Variants in CDHR2 observed in about 807,000 individuals in gnomAD.
CDHR2 encodes cadherin-related family member 2.
Under a neutral mutation model 138.6 loss-of-function variants are expected in CDHR2, and 104 were observed. That is an observed-to-expected ratio of 0.75 (90% CI 0.64 to 0.88). The LOEUF is 0.88. CDHR2 is among the 40% of genes least tolerant of loss of function. The pLI is 0.00. For synonymous variants in CDHR2, 755 were observed against 742.8 expected (o/e 1.02, Z -0.27); for missense variants, 1,624 against 1,727.6 (o/e 0.94, Z 1.06).
Position 176,568,773 on chromosome 5 carries a change from C to T in CDHR2, c.220C>T (p.Pro74Ser), listed in dbSNP as rs746271410. ...GPNAYFFAVT[P>S]KTGEVKLASA... ...CAATGCCTACTTCTTCGCTGTCACT[C>T]CGAAAACTGGGGAAGTGAAGCTGGC... Residue 74 changes from proline (P) to serine (S), a missense_variant, in exon 4 of 32, where the codon CCG becomes TCG. This residue lies in a region of CDHR2 where 1,061 missense variants were observed against 1,136.6 expected (regional missense o/e 0.93). Transcript: ENST00000261944. 10 of 1,614,108 alleles carry T rather than the reference C, an allele frequency of 6.2e-6. No individual in the cohort carries two copies. The highest frequency in any genetic ancestry group is 6.8e-6 in the Non-Finnish European group (8 of 1,180,046).
At position 176,575,392 on chromosome 5, in the gene CDHR2, T is replaced by C; in HGVS notation, c.734T>C (p.Phe245Ser). 1 of 1,614,168 alleles carries C rather than the reference T, an allele frequency of 6.2e-7. No homozygotes were observed. The highest frequency in any genetic ancestry group is 8.5e-7 in the Non-Finnish European group (1 of 1,180,036). ...CTTGACCCCCAGTTTGTCAGGGAGT[T>C]TTACTCGGCCTCTGTGGCTGAGGAT... The part of the protein sequence containing the change: ...PDLDPQFVRE[F>S]YSASVAEDAA... The change falls in exon 9 of 32, where the codon TTT becomes TCT. Residue 245 changes from phenylalanine (F) to serine (S), a missense_variant. Physicochemically the swap from Phe to Ser is radical, Grantham distance 155. Coordinates refer to ENST00000261944, the MANE Select transcript of CDHR2 (RefSeq NM_017675.6).
At chr5:176,574,549 G>A (rs1758318384) in intron 7 of CDHR2, among the ~76,000 whole-genome samples, 1 of 152,136 alleles carries the variant, frequency 6.6e-6, no homozygotes, top group African/African-American at 2.4e-5. Flanking sequence ...GTATCCGTGG[G>A]GACTTGGCTC....
chr5:176,590,328 T>C lies in CDHR2; in HGVS notation c.3351T>C (p.Ser1117=). The change falls in exon 26 of 32, where the codon AGT becomes AGC. Residue 1117 remains serine, a splice_region_variant and synonymous_variant. Coordinates refer to ENST00000261944, the MANE Select transcript of CDHR2 (RefSeq NM_017675.6). ...NGSALTLDEL[S]VMIRNDQDSL... ...CAGCCCTGACCCTTGATGAGCTGAG[T>C]GTGTGAGTGGGGCTGCCCTTGGGGC... 1.9e-6 allele frequency: 3 copies of C among 1,613,836 alleles called. No homozygotes were observed. Among genetic ancestry groups the C allele is most frequent in the Non-Finnish European group, 2.5e-6 (3 of 1,179,960 alleles).
chr5:176,551,443 G>A (rs1325034318), intron 1 of CDHR2, among the ~76,000 whole-genome samples: 1 of 152,154 alleles, frequency 6.6e-6, no homozygotes, highest in Non-Finnish European at 1.5e-5. Context: ...TGAGAACAAG[G>A]AAGCAGTAAT....
rs750735724 is a variant in CDHR2 at position 176,584,695 on chromosome 5, C to T, written c.2414C>T (p.Pro805Leu). 5.6e-6 allele frequency: 9 copies of T among 1,614,126 alleles called. No individual in the cohort carries two copies. The highest frequency in any genetic ancestry group is 7.6e-6 in the Non-Finnish European group (9 of 1,180,002). The change falls in exon 19 of 32, where the codon CCC (proline) becomes CTC (leucine). Residue 805 changes from proline (P) to leucine (L), a missense_variant. By Grantham distance (98) the Pro-to-Leu change is moderately conservative. Coordinates refer to ENST00000261944, the MANE Select transcript of CDHR2 (RefSeq NM_017675.6). Reference protein sequence around the residue: ...CVNVKDVNDNPPTLDVASLRG... With the variant: ...CVNVKDVNDNLPTLDVASLRG... Reference sequence around the variant, plus strand: ...AATGTGAAAGACGTGAACGACAATCCCCCCACCCTGGATGTAGCCTCACTC... The same window carrying T: ...AATGTGAAAGACGTGAACGACAATCTCCCCACCCTGGATGTAGCCTCACTC...
intron 1 of CDHR2, among the ~76,000 whole-genome samples, chr5:176,560,599 A>AG (rs1757943500): frequency 6.6e-6 from 1 of 152,138 alleles, no homozygotes; most frequent in African/African-American, 2.4e-5. Context: ...GCAGGGATGC[A>AG]GTGCACTATT....
At chr5:176,586,940 C>A in intron 21 of CDHR2, 98 bp downstream of exon 21, 1 of 960,720 alleles carries the variant, frequency 1.0e-6, no homozygotes, top group Non-Finnish European at 1.6e-6. Flanking sequence ...AATATATGGG[C>A]TCCAACACAT....
intron 20 of CDHR2, 32 bp downstream of exon 20, chr5:176,586,057 C>T (rs777865717): frequency 2.0e-5 from 31 of 1,587,552 alleles, no homozygotes; most frequent in Middle Eastern, 1.7e-4. Flanking sequence ...ACACCATACC[C>T]CTGCTCCATA....
chr5:176,570,553 C>T (rs1409491956), intron 5 of CDHR2, among the ~76,000 whole-genome samples: 1 of 151,870 alleles, frequency 6.6e-6, no homozygotes, highest in African/African-American at 2.4e-5. Context: ...CACCATATTG[C>T]CCAGGCTGGT....
rs763736203 is a variant in CDHR2, at chr5:176,584,496, G to T, written c.2215G>T (p.Ala739Ser). The change falls in exon 19 of 32, where the codon GCC becomes TCC. Residue 739 changes from alanine (A) to serine (S), a missense_variant. This residue lies in a region of CDHR2 where 1,061 missense variants were observed against 1,136.6 expected (regional missense o/e 0.93). Transcript: ENST00000261944. ...RISFSLSGSG[A>S]NYFMIRGLVL... The stretch of plus-strand genomic sequence containing the variant: ...CAGCTTCAGCCTGTCGGGGAGTGGT[G>T]CCAACTACTTCATGATCCGAGGCTT... The T allele has an allele frequency of 1.4e-5, 23 of 1,613,346 alleles. No homozygotes were observed. The highest frequency in any genetic ancestry group is 1.7e-5 in the Non-Finnish European group (20 of 1,179,650).
chr5:176,590,820 G>A (rs1177328837), intron 28 of CDHR2, 133 bp downstream of exon 28: 15 of 1,212,040 alleles, frequency 1.2e-5, no homozygotes, highest in Middle Eastern at 2.8e-4. Flanking sequence ...GACCCAGTGC[G>A]AGATCTTGGG....
upstream of CDHR2, among the ~76,000 whole-genome samples, chr5:176,546,357 A>G (rs1757584912): frequency 6.6e-6 from 1 of 152,198 alleles, no homozygotes; most frequent in East Asian, 1.9e-4. Flanking sequence ...GCAGGATTAA[A>G]TGAGGTGATA....
At chr5:176,558,211 C>CCTATTTTTTT (rs1757884057) in intron 1 of CDHR2, among the ~76,000 whole-genome samples, 2 of 57,542 alleles carry the variant, frequency 3.5e-5, no homozygotes, top group Non-Finnish European at 6.6e-5. Flanking sequence ...GTTTTCTTTT[C>CCTATTTTTTT]TTATTTTTTT....
chr5:176,566,946 T>C (rs2113281346), intron 3 of CDHR2: 1 of 456,200 alleles, frequency 2.2e-6, no homozygotes, highest in Non-Finnish European at 4.4e-6. Flanking sequence ...TTTGTTGCAG[T>C]GCAAAATGGA....
At chr5:176,547,004 A>G (rs1422493595), upstream of CDHR2, among the ~76,000 whole-genome samples, 12 of 142,536 alleles carry the variant, frequency 8.4e-5, no homozygotes, top group Non-Finnish European at 1.2e-4. Flanking sequence ...TTTGAGATGG[A>G]GTCTTGCTCT....
intron 24 of CDHR2, 85 bp from the exon 25 acceptor site, chr5:176,589,993 T>G: frequency 1.8e-6 from 2 of 1,100,910 alleles, no homozygotes; most frequent in South Asian, 2.5e-5. Flanking sequence ...TTCTCACTCA[T>G]ACAATTCTTA....
Position 176,577,467 on chromosome 5 carries a change from G to A in CDHR2, c.1263G>A (p.Glu421=), listed in dbSNP as rs763384341. 1 of 1,610,280 alleles carries A rather than the reference G, an allele frequency of 6.2e-7. No homozygotes were observed. The highest frequency in any genetic ancestry group is 8.5e-7 in the Non-Finnish European group (1 of 1,178,790). ...CAGAAGCCTTCAGCGTCTCCCCGGA[G>A]CGGGCAGTGGGCTCAGCCTCCGTTC... is the stretch of plus-strand genomic sequence containing the variant. ...PDAEAFSVSP[E]RAVGSASVQV... is the part of the protein sequence containing the mutation. The change falls in exon 13 of 32, where the codon GAG becomes GAA. Residue 421 remains glutamate, a synonymous_variant. Transcript: ENST00000261944.
chr5:176,564,151 C>T (rs2113276100), intron 1 of CDHR2, among the ~76,000 whole-genome samples: 1 of 152,318 alleles, frequency 6.6e-6, no homozygotes, highest in East Asian at 1.9e-4. Context: ...ATCCTGCTCT[C>T]CTGCTTTCTG....
rs139851773 is a variant in CDHR2, at chr5:176,581,534, C to T, written c.2010C>T (p.Cys670=). The T allele has an allele frequency of 7.9e-5, 128 of 1,614,036 alleles. No homozygotes were observed. In the African/African-American group the frequency reaches 8.0e-4, roughly 10 times the overall value. ...TGCTGACAGTGCTTGTGTCTGACTG[C>T]GGCGAGCCTGTCCTCGGCACCAAAG... ...RIVLTVLVSD[C]GEPVLGTKVN... The change falls in exon 17 of 32, where the codon TGC becomes TGT. Residue 670 remains cysteine, a synonymous_variant. Coordinates refer to ENST00000261944, the MANE Select transcript of CDHR2 (RefSeq NM_017675.6).
Sources: gnomAD v4.1 joint callset for allele counts (sites outside exome capture counted in the v4.1 genomes callset) on GRCh38, gnomAD v4.1.1 for gene constraint, gnomAD v4.1.1 regional missense constraint, MANE v1.5 for transcripts, NCBI Gene and HGNC (gene_info 2026-07-23, HGNC 2026-07-21) for gene names.